MUC5AC: variants seen among roughly 807,000 people sequenced by gnomAD.
MUC5AC encodes mucin-5AC.
A neutral mutation model predicts 169.7 loss-of-function variants in MUC5AC; 158 were observed. That is an observed-to-expected ratio of 0.93 (90% CI 0.82 to 1.06). MUC5AC has a LOEUF of 1.06. Among genes scored for constraint, MUC5AC ranks in the 50% least tolerant of loss-of-function variants. The pLI, the probability that MUC5AC is intolerant of heterozygous loss-of-function variation, is 0.00. For missense variants in MUC5AC, 4,359 were observed against 3,089.9 expected (o/e 1.41, Z -9.74); for synonymous variants, 1,975 against 1,237.0 (o/e 1.60, Z -12.52).
chr11:1,159,780 T>A (rs1236407667), intron 1 of MUC5AC, among the ~76,000 whole-genome samples: 1 of 66,674 alleles, frequency 1.5e-5, no homozygotes, highest in Non-Finnish European at 3.0e-5. Flanking sequence ...GGGGCTGGGG[T>A]CTGGTCCCAC....
Position 1,193,564 on chromosome 11 carries a change from C to G in MUC5AC, c.14660C>G (p.Thr4887Arg). 1.3e-6 allele frequency: 1 copy of G among 764,750 alleles called. No individual in the cohort carries two copies. Among genetic ancestry groups the G allele is most frequent in the Middle Eastern group, 2.3e-4 (1 of 4,438 alleles). 47.4% of individuals were successfully genotyped at this position (764,750 alleles called of 1,614,324 possible). ...GNNVISLRPR[T>R]CPRVEKPTCA... ...AACGTCATCTCCCTGCGCCCGCGCA[C>G]GTGCCCGAGGGTGGAGAAGCCCACT... Residue 4887 changes from threonine to arginine, a missense_variant, in exon 33 of 49, where the codon ACG becomes AGG. By Grantham distance (71) the Thr-to-Arg change is moderately conservative (BLOSUM62 -1). Coordinates refer to ENST00000621226, the MANE Select transcript of MUC5AC (RefSeq NM_001304359.2).
chr11:1,173,799 C>T (rs1477051373), intron 16 of MUC5AC, among the ~76,000 whole-genome samples: 2 of 140,492 alleles, frequency 1.4e-5, no homozygotes, highest in African/African-American at 2.6e-5. Context: ...CGCTCATTCC[C>T]TCATTCATTC....
At position 1,158,076 on chromosome 11, in the gene MUC5AC, C is replaced by T. The variant is rs372490373; in HGVS notation, c.73+4C>T. On this transcript the variant is annotated splice_donor_region_variant and intron_variant, in intron 1 of 48. Coordinates refer to ENST00000621226, the MANE Select transcript of MUC5AC (RefSeq NM_001304359.2). ...CTGGCCTGCACCCGGCATACAGGTA[C>T]GGCTTGGCCCCTGGCCGCTCTACTG... is the stretch of plus-strand genomic sequence containing the variant. 322 of 1,602,238 alleles carry T rather than the reference C, an allele frequency of 2.0e-4. 1 individual carries two copies. The African/African-American group carries it at 3.4e-3, about 17-fold the overall frequency.
In MUC5AC at chr11:1,199,388, A is replaced by G. The variant is rs1390775775; in HGVS notation, c.16413A>G (p.Ser5471=). The G allele has an allele frequency of 1.4e-6, 1 of 721,418 alleles. No homozygotes were observed. Among genetic ancestry groups the G allele is most frequent in the Admixed American group, 1.9e-5 (1 of 52,844 alleles). 44.7% of individuals were successfully genotyped at this position (721,418 alleles called of 1,614,324 possible). ...CCCTCCAGCCCGGCGAGACCTGGTC[A>G]GACGCAGGGAACCACTGTGTGACCC... is the stretch of plus-strand genomic sequence containing the variant. The part of the protein sequence containing the change: ...AHLFYPGETW[S]DAGNHCVTHQ... The change falls in exon 46 of 49, where the codon TCA becomes TCG. Residue 5471 remains serine (S), a synonymous_variant. Coordinates refer to ENST00000621226, the MANE Select transcript of MUC5AC (RefSeq NM_001304359.2).
chr11:1,186,463 C>A lies in MUC5AC; in HGVS notation c.8318C>A (p.Thr2773Asn), dbSNP rs1324555184. The change falls in exon 31 of 49, where the codon ACC becomes AAC. Residue 2773 changes from threonine to asparagine, a missense_variant. Transcript: ENST00000621226. ...ACCTCTGCGACTACAACCAGCACAA[C>A]CTCTGCTACTACAACCAGCACAATC... is the stretch of plus-strand genomic sequence containing the variant. ...STTSATTTST[T>N]SATTTSTISA... 1.4e-6 allele frequency: 1 copy of A among 698,080 alleles called. No homozygotes were observed. The highest frequency in any genetic ancestry group is 1.5e-5 in the South Asian group (1 of 66,338). 43.2% of individuals were successfully genotyped at this position (698,080 alleles called of 1,614,324 possible).
At chr11:1,197,863 G>A (rs1018634891) in intron 41 of MUC5AC, 40 bp from the exon 42 acceptor site, 12 of 694,628 alleles carry the variant, frequency 1.7e-5, no homozygotes, top group Admixed American at 1.0e-4. Flanking sequence ...GGGTGGGGGC[G>A]GGGGACAGAC....
In MUC5AC at chr11:1,196,723, A is replaced by G. The variant is rs1363723611; in HGVS notation, c.15829+3A>G. The G allele has an allele frequency of 2.7e-6, 2 of 753,984 alleles. No individual in the cohort carries two copies. The highest frequency in any genetic ancestry group is 4.8e-6 in the Non-Finnish European group (2 of 413,080). The allele number at this position is 753,984 out of a possible 1,614,324, so 46.7% of individuals were successfully genotyped here. A position where few individuals can be genotyped will look rare whatever the true frequency, so the allele number is the denominator to read the frequency against. On this transcript the variant is annotated splice_donor_region_variant and intron_variant, in intron 39 of 48. Coordinates refer to ENST00000621226, the MANE Select transcript of MUC5AC (RefSeq NM_001304359.2). ...CTGCGTGCCCACGGGCTGCCCCAGT[A>G]CGTGCCCCAGGCCGGGGCTGGGGGG...
rs115488827 is a variant in MUC5AC, at chr11:1,198,202, G to A, written c.16136-66G>A. 7.6e-4 allele frequency: 543 copies of A among 716,452 alleles called. No homozygotes were observed. In the African/African-American group the frequency reaches 7.9e-3, roughly 10 times the overall value. The allele number at this position is 716,452 out of a possible 1,614,324, so 44.4% of individuals were successfully genotyped here. On this transcript the variant is annotated intron_variant, in intron 42 of 48. Coordinates refer to ENST00000621226, the MANE Select transcript of MUC5AC (RefSeq NM_001304359.2). ...GAGGCGCCCAGGAGGCTGCAGGGGCGGGAATGCTGAGGGTGAGGGGAGAGT... is the reference window on the plus strand; with the variant it reads ...GAGGCGCCCAGGAGGCTGCAGGGGCAGGAATGCTGAGGGTGAGGGGAGAGT...
Position 1,160,689 on chromosome 11 carries a change from G to A in MUC5AC, c.151G>A (p.Gly51Arg), listed in dbSNP as rs1860116095. 6.2e-7 allele frequency: 1 copy of A among 1,608,852 alleles called. No homozygotes were observed. The highest frequency in any genetic ancestry group is 8.5e-7 in the Non-Finnish European group (1 of 1,179,044). The change falls in exon 2 of 49, where the codon GGG (glycine) becomes AGG (arginine). Residue 51 changes from glycine (G) to arginine (R), a missense_variant and splice_region_variant. By Grantham distance (125) the Gly-to-Arg change is moderately radical (BLOSUM62 -2). Transcript: ENST00000621226. Reference sequence around the variant, plus strand: ...CTCTCCTATCGCCCGGGGGCCCAGCGGTGAGTCTGAGTGTCCGGCCCCCAC... The same window carrying A: ...CTCTCCTATCGCCCGGGGGCCCAGCAGTGAGTCTGAGTGTCCGGCCCCCAC... ...ALSPIARGPS[G>R]VPLRGATVFP...
chr11:1,170,808 CTCACCCAT>C (rs1254367347), intron 15 of MUC5AC, among the ~76,000 whole-genome samples: 197 of 150,094 alleles, frequency 1.3e-3, no homozygotes, highest in African/African-American at 4.5e-3. Context: ...CACTCACCCA[CTCACCCAT>C]TCACCCATTC....
At chr11:1,196,516 G>A (rs1156548799) in intron 38 of MUC5AC, 41 bp downstream of exon 38, 2 of 764,562 alleles carry the variant, frequency 2.6e-6, no homozygotes, top group Non-Finnish European at 4.8e-6. Context: ...GGCTGCTGGA[G>A]CCACCCAGTC....
rs773838793 is a variant in MUC5AC, at chr11:1,162,634, T to G, written c.576T>G (p.Asp192Glu). ...GCCTTGTCCTCATGTGGAACCACGA[T>G]GACAGCCTGCTGGTGAGGCTGGGTG... is the stretch of plus-strand genomic sequence containing the variant. ...RLGLVLMWNH[D>E]DSLLLELDTK... The change falls in exon 5 of 49, where the codon GAT becomes GAG. Residue 192 changes from aspartate (D) to glutamate (E), a missense_variant. Coordinates refer to ENST00000621226, the MANE Select transcript of MUC5AC (RefSeq NM_001304359.2). 1.4e-4 allele frequency: 218 copies of G among 1,612,504 alleles called. No homozygotes were observed. The highest frequency in any genetic ancestry group is 4.5e-4 in the Admixed American group (27 of 59,990).
At position 1,164,171 on chromosome 11, in the gene MUC5AC, C is replaced by G; in HGVS notation, c.855C>G (p.Gly285=). 1 of 1,612,540 alleles carries G rather than the reference C, an allele frequency of 6.2e-7. No homozygotes were observed. Among genetic ancestry groups the G allele is most frequent in the Non-Finnish European group, 8.5e-7 (1 of 1,179,860 alleles). Reference sequence around the variant, plus strand: ...GCTGCGTGGCCCTGGTGGACGTCGGCAGCTACCTGGAGGCTTGCAGGCAAG... The same window carrying G: ...GCTGCGTGGCCCTGGTGGACGTCGGGAGCTACCTGGAGGCTTGCAGGCAAG... ...FSGCVALVDV[G]SYLEACRQDL... The change falls in exon 8 of 49, where the codon GGC becomes GGG. Residue 285 remains glycine, a synonymous_variant. Transcript: ENST00000621226.
chr11:1,197,815 C>T (rs773515211), intron 41 of MUC5AC, 88 bp from the exon 42 acceptor site: 39 of 581,072 alleles, frequency 6.7e-5, no homozygotes, highest in African/African-American at 3.4e-4. Context: ...GCTGTCTAGG[C>T]GGTCCGCAAT....
chr11:1,182,087 G>A (rs949012463), intron 30 of MUC5AC, 68 bp from the exon 31 acceptor site: 27 of 252,202 alleles, frequency 1.1e-4, no homozygotes, highest in African/African-American at 3.6e-4. Context: ...TGACAGAGCC[G>A]CAGGGAGGGG....
intron 2 of MUC5AC, 52 bp from the exon 3 acceptor site, chr11:1,161,475 C>T: frequency 6.9e-7 from 1 of 1,455,434 alleles, no homozygotes; most frequent in South Asian, 1.3e-5. Flanking sequence ...GCTGCGGAGC[C>T]CCCGCCCCAC....
At chr11:1,167,598 T>C (rs898412440) in intron 11 of MUC5AC, among the ~76,000 whole-genome samples, 11 of 152,246 alleles carry the variant, frequency 7.2e-5, no homozygotes, top group African/African-American at 2.7e-4. Flanking sequence ...GCCCAGCCCC[T>C]GGCAGCTGCT....
In MUC5AC at chr11:1,192,338, C is replaced by T. The variant is rs770388666; in HGVS notation, c.14193C>T (p.Cys4731=). 1 of 765,010 alleles carries T rather than the reference C, an allele frequency of 1.3e-6. No individual in the cohort carries two copies. The allele number at this position is 765,010 out of a possible 1,614,324, so 47.4% of individuals were successfully genotyped here. Residue 4731 remains cysteine, a synonymous_variant, in exon 31 of 49, where the codon TGC becomes TGT. Coordinates refer to ENST00000621226, the MANE Select transcript of MUC5AC (RefSeq NM_001304359.2). ...RVLCCETPRG[C]PVTSVTPYGT... is the part of the protein sequence containing the mutation. Reference sequence around the variant, plus strand: ...TCTGCTGCGAGACCCCCAGAGGCTGCCCGGTGACCTCTGTGACCCCATATG... The same window carrying T: ...TCTGCTGCGAGACCCCCAGAGGCTGTCCGGTGACCTCTGTGACCCCATATG...
intron 48 of MUC5AC, among the ~76,000 whole-genome samples, 182 bp from the exon 49 acceptor site, chr11:1,200,256 C>T (rs567835157): frequency 1.3e-5 from 2 of 152,264 alleles, no homozygotes; most frequent in Non-Finnish European, 2.9e-5. Flanking sequence ...GAGCCGGGGT[C>T]GGCCCTGGTG....
Sources: gnomAD v4.1 joint callset for allele counts (sites outside exome capture counted in the v4.1 genomes callset) on GRCh38, gnomAD v4.1.1 for gene constraint, MANE v1.5 for transcripts, NCBI Gene and HGNC (gene_info 2026-07-23, HGNC 2026-07-21) for gene names.